Variants in TDO2 observed in about 807,000 individuals in gnomAD.
The protein encoded by TDO2 is tryptophan 2,3-dioxygenase, also known as tryptamin 2,3-dioxygenase.
TDO2 carries 63 observed loss-of-function variants against 61.2 expected under a neutral mutation model. The observed-to-expected ratio is 1.03, with a 90% confidence interval of 0.84 to 1.27. The LOEUF (loss-of-function observed/expected upper bound fraction) is 1.27, where lower values mean the gene tolerates loss of function less well. Ranked by LOEUF, TDO2 falls within the 50% of genes most tolerant of loss-of-function variation. The pLI is 0.00. For missense variants in TDO2, 494 were observed against 469.5 expected (o/e 1.05, Z -0.48); for synonymous variants, 183 against 164.0 (o/e 1.12, Z -0.89).
chr4:155,911,603 A>C lies in TDO2; in HGVS notation c.725A>C (p.Gln242Pro), dbSNP rs548876943. Residue 242 changes from glutamine (Q) to proline (P), a missense_variant and splice_region_variant, in exon 7 of 12, where the codon CAG becomes CCG. Transcript: ENST00000536354. ...RGLEEEFIRI[Q>P]AKEESEEKEE... Reference sequence around the variant, plus strand: ...CTGGAAGAGGAATTCATAAGGATTCAGGTATTTAGATGACATGAGTTAATA... The same window carrying C: ...CTGGAAGAGGAATTCATAAGGATTCCGGTATTTAGATGACATGAGTTAATA... 18 of 1,559,338 alleles carry C rather than the reference A, an allele frequency of 1.2e-5. No individual in the cohort carries two copies. The East Asian group carries it at 3.7e-4, about 32-fold the overall frequency.
intron 8 of TDO2, 24 bp downstream of exon 8, chr4:155,914,458 CT>C: frequency 6.7e-7 from 1 of 1,502,934 alleles, no homozygotes; most frequent in Non-Finnish European, 9.0e-7. Context: ...CTTTATGAAT[CT>C]TTTCCCTGGA....
At chr4:155,911,662 T>G in intron 7 of TDO2, 58 bp downstream of exon 7, 2 of 1,221,612 alleles carry the variant, frequency 1.6e-6, no homozygotes, top group Non-Finnish European at 1.1e-6. Context: ...AAATTTTATT[T>G]TAATTATTTT....
chr4:155,910,149 G>A lies in TDO2; in HGVS notation c.556G>A (p.Gly186Arg). 6.3e-7 allele frequency: 1 copy of A among 1,598,246 alleles called. No individual in the cohort carries two copies. Among genetic ancestry groups the A allele is most frequent in the South Asian group, 1.1e-5 (1 of 88,932 alleles). The change falls in exon 6 of 12, where the codon GGA (glycine) becomes AGA (arginine). Residue 186 changes from glycine to arginine, a missense_variant. Transcript: ENST00000536354. ...AAGACATTATCGTGATAACTTCAAA[G>A]GAGAAGAAAATGAACTGCTACTTAA... is the stretch of plus-strand genomic sequence containing the variant. ...NRRHYRDNFK[G>R]EENELLLKSE...
intron 8 of TDO2, 95 bp downstream of exon 8, chr4:155,914,529 A>C: frequency 1.2e-6 from 1 of 825,424 alleles, no homozygotes; most frequent in Non-Finnish European, 1.8e-6. Flanking sequence ...ACTTGGGAGA[A>C]ATAGAATGAA....
chr4:155,920,048 T>C lies in TDO2; in HGVS notation c.*58T>C. On this transcript the variant is annotated 3_prime_UTR_variant, in exon 12 of 12. Transcript: ENST00000536354. The stretch of plus-strand genomic sequence containing the variant: ...TTCACAGCCTATTTTTTATTTTCTA[T>C]GGATTTTCATAAATACAGTTTGAAT... 1 of 1,522,406 alleles carries C rather than the reference T, an allele frequency of 6.6e-7. No homozygotes were observed. The highest frequency in any genetic ancestry group is 9.0e-7 in the Non-Finnish European group (1 of 1,105,380). 94.3% of individuals were successfully genotyped at this position (1,522,406 alleles called of 1,614,324 possible).
At chr4:155,918,565 A>G (rs1742986804) in intron 11 of TDO2, among the ~76,000 whole-genome samples, 2 of 152,208 alleles carry the variant, frequency 1.3e-5, no homozygotes, top group African/African-American at 2.4e-5. Context: ...TGACCAGACT[A>G]AAACATTTAT....
chr4:155,913,613 T>G (rs537387967), intron 7 of TDO2, among the ~76,000 whole-genome samples: 24 of 152,252 alleles, frequency 1.6e-4, no homozygotes, highest in African/African-American at 5.8e-4. Flanking sequence ...CTCTCAATTT[T>G]TGCACACAAT....
intron 3 of TDO2, 184 bp downstream of exon 3, chr4:155,905,341 C>G: frequency 1.9e-6 from 1 of 514,794 alleles, no homozygotes; most frequent in Non-Finnish European, 3.4e-6. Context: ...CAATAGTCTT[C>G]TTTATGTTAC....
At chr4:155,918,077 C>T in intron 10 of TDO2, 72 bp from the exon 11 acceptor site, 2 of 1,406,846 alleles carry the variant, frequency 1.4e-6, no homozygotes, top group African/African-American at 1.4e-5. Flanking sequence ...CATTACCAAC[C>T]CCTCATTGTT....
At position 155,903,767 on chromosome 4, in the gene TDO2, G is replaced by T; in HGVS notation, c.9G>T (p.Gly3=). Residue 3 remains glycine, a synonymous_variant, in exon 1 of 12, where the codon GGG becomes GGT. Coordinates refer to ENST00000536354, the MANE Select transcript of TDO2 (RefSeq NM_005651.4). ...GACAGTGCCTTTTCACCATGAGTGG[G>T]TGCCCATTTTTAGGAAACAACTTTG... The part of the protein sequence containing the change: MS[G]CPFLGNNFGY... 6.2e-7 allele frequency: 1 copy of T among 1,614,132 alleles called. No individual in the cohort carries two copies. The highest frequency in any genetic ancestry group is 8.5e-7 in the Non-Finnish European group (1 of 1,180,020).
In TDO2 at chr4:155,905,021, A is replaced by G. The variant is rs1201127423; in HGVS notation, c.142-46A>G. The G allele has an allele frequency of 2.1e-6, 3 of 1,407,910 alleles. No homozygotes were observed. In the East Asian group the frequency reaches 7.5e-5, roughly 35 times the overall value. 87.2% of individuals were successfully genotyped at this position (1,407,910 alleles called of 1,614,324 possible). A position where few individuals can be genotyped will look rare whatever the true frequency, so the allele number is the denominator to read the frequency against. ...CTACTTCTTACTAAAGTTCATAAAA[A>G]CCAAGTTCTGCAATTTCAGACAGGC... On this transcript the variant is annotated intron_variant, in intron 2 of 11. Transcript: ENST00000536354.
chr4:155,904,666 C>T (rs181001404), intron 2 of TDO2, among the ~76,000 whole-genome samples: 253 of 152,196 alleles, frequency 1.7e-3, no homozygotes, highest in Middle Eastern at 0.01. Context: ...TTGATGTCTT[C>T]ATCGGTGAGT....
In TDO2 at chr4:155,919,816, TC is replaced by T. The variant is rs759291492; in HGVS notation, c.1068-20del. On this transcript the variant is annotated intron_variant, in intron 11 of 11. Transcript: ENST00000536354. ...ATTTCATGTCAACCAATGTAACACA[TC>T]TTCATGTATGTTTTTCCAGTGATAG... 6.3e-7 allele frequency: 1 copy of T among 1,582,242 alleles called. No individual in the cohort carries two copies. Among genetic ancestry groups the T allele is most frequent in the African/African-American group, 1.4e-5 (1 of 73,744 alleles).
At chr4:155,916,717 G>A (rs1742945255) in intron 9 of TDO2, among the ~76,000 whole-genome samples, 1 of 151,894 alleles carries the variant, frequency 6.6e-6, no homozygotes, top group Admixed American at 6.6e-5. Context: ...CCATCCTCAG[G>A]GTTCATGAAT....
chr4:155,915,964 A>G, intron 9 of TDO2, 52 bp downstream of exon 9: 1 of 1,436,248 alleles, frequency 7.0e-7, no homozygotes, highest in Non-Finnish European at 9.7e-7. Flanking sequence ...GTGGATATGG[A>G]TAACATGTCC....
At chr4:155,910,736 T>A (rs1742814276) in intron 6 of TDO2, among the ~76,000 whole-genome samples, 1 of 152,114 alleles carries the variant, frequency 6.6e-6, no homozygotes, top group Non-Finnish European at 1.5e-5. Context: ...ACAAAGATTG[T>A]ATTGTCTTGC....
In TDO2 at chr4:155,920,141, CTT is replaced by C. The variant is rs1743016775; in HGVS notation, c.*152_*153del. On this transcript the variant is annotated 3_prime_UTR_variant, in exon 12 of 12. Coordinates refer to ENST00000536354, the MANE Select transcript of TDO2 (RefSeq NM_005651.4). Reference sequence around the variant, plus strand: ...AATTCTAGAAACAATTTGATTACCTCTTGTTTGTGACAAGACTAAGCATTAAG... The same window carrying C: ...AATTCTAGAAACAATTTGATTACCTCGTTTGTGACAAGACTAAGCATTAAG... 2.9e-6 allele frequency: 2 copies of C among 691,094 alleles called. No individual in the cohort carries two copies. Among genetic ancestry groups the C allele is most frequent in the Non-Finnish European group, 4.8e-6 (2 of 417,302 alleles). The allele number at this position is 691,094 out of a possible 1,614,324, so 42.8% of individuals were successfully genotyped here.
Position 155,919,859 on chromosome 4 carries a change from G to T in TDO2, c.1090G>T (p.Asp364Tyr). 1 of 1,613,324 alleles carries T rather than the reference G, an allele frequency of 6.2e-7. No individual in the cohort carries two copies. Residue 364 changes from aspartate to tyrosine, a missense_variant, in exon 12 of 12, where the codon GAT becomes TAT. Physicochemically the swap from Asp to Tyr is radical, Grantham distance 160. Transcript: ENST00000536354. ...CAGTGATAGGTACAAGGTATTTGTA[G>T]ATTTATTTAATCTTTCAACATACCT... Reference protein sequence around the residue: ...TVSDRYKVFVDLFNLSTYLIP... With the variant: ...TVSDRYKVFVYLFNLSTYLIP...
chr4:155,915,394 T>C (rs2110881318), intron 8 of TDO2, among the ~76,000 whole-genome samples: 1 of 152,284 alleles, frequency 6.6e-6, no homozygotes, highest in Admixed American at 6.5e-5. Flanking sequence ...AGGGAGAAAG[T>C]CTTTCATTAG....
Sources: allele counts gnomAD v4.1 joint callset (sites outside exome capture counted in the v4.1 genomes callset), GRCh38; gene constraint gnomAD v4.1.1; transcripts MANE v1.5; gene names NCBI Gene and HGNC (gene_info 2026-07-23, HGNC 2026-07-21).